Variants in RHOU observed in about 807,000 individuals in gnomAD.
RHOU encodes rho-related GTP-binding protein RhoU.
Under a neutral mutation model 12.6 loss-of-function variants are expected in RHOU, and 8 were observed. The observed-to-expected ratio is 0.64, with a 90% confidence interval of 0.37 to 1.15. The LOEUF is 1.15. RHOU is among the 50% of genes most tolerant of loss of function. RHOU has a pLI of 0.01. For missense variants in RHOU, 258 were observed against 347.0 expected, an observed-to-expected ratio of 0.74 and a Z score of 2.04; for synonymous variants, 161 against 147.4, an observed-to-expected ratio of 1.09 and a Z score of -0.67.
At chr1:228,650,580 C>G in the RHOU span, 41 of 455,324 alleles carry the variant, frequency 9.0e-5, no homozygotes, top group African/African-American at 7.0e-4. Flanking sequence ...TGCTCGCCTG[C>G]CTGCCCTCCT....
chr1:228,698,118 T>A, the RHOU span, among the ~76,000 whole-genome samples: 2 of 152,238 alleles, frequency 1.3e-5, no homozygotes, highest in African/African-American at 4.8e-5. Flanking sequence ...CATGCATTTC[T>A]TTGAGGTTTT....
chr1:228,726,069 C>T, the RHOU span, among the ~76,000 whole-genome samples: 2 of 152,162 alleles, frequency 1.3e-5, no homozygotes, highest in Non-Finnish European at 2.9e-5. Context: ...TGGGTTTCTT[C>T]TCTCTTTTTT....
At chr1:228,724,621 G>A in the RHOU span, among the ~76,000 whole-genome samples, 1 of 152,098 alleles carries the variant, frequency 6.6e-6, no homozygotes, top group Admixed American at 6.5e-5. Context: ...CCAGCGAGGT[G>A]AGAACATTTA....
the RHOU span, among the ~76,000 whole-genome samples, chr1:228,684,107 G>T: frequency 6.6e-6 from 1 of 151,880 alleles, no homozygotes; most frequent in Non-Finnish European, 1.5e-5. Context: ...GCATGATCTC[G>T]GCTCACTGCA....
the RHOU span, among the ~76,000 whole-genome samples, chr1:228,696,409 A>C: frequency 6.6e-6 from 1 of 151,784 alleles, no homozygotes; most frequent in East Asian, 1.9e-4. Flanking sequence ...ATGATGGTTG[A>C]GATAACTGAT....
chr1:228,659,060 G>T, the RHOU span, among the ~76,000 whole-genome samples: 1 of 151,546 alleles, frequency 6.6e-6, no homozygotes, highest in Non-Finnish European at 1.5e-5. Flanking sequence ...AATTTATAGT[G>T]TGAAATGCTT....
chr1:228,659,966 CAAAAA>C, the RHOU span, among the ~76,000 whole-genome samples: 364 of 76,728 alleles, frequency 4.7e-3, no homozygotes, highest in Middle Eastern at 0.018. Flanking sequence ...AAAAAAAAAA[CAAAAA>C]AAAAAAAAAA....
chr1:228,649,759 T>A, the RHOU span, among the ~76,000 whole-genome samples: 186 of 152,344 alleles, frequency 1.2e-3, no homozygotes, highest in African/African-American at 4.4e-3. Flanking sequence ...AAGAGACATA[T>A]TAAACTAAAT....
the RHOU span, among the ~76,000 whole-genome samples, chr1:228,696,949 C>A: frequency 1.3e-5 from 2 of 151,978 alleles, no homozygotes; most frequent in Non-Finnish European, 2.9e-5. Context: ...AAATAATAAA[C>A]CTTAAGACAT....
the RHOU span, among the ~76,000 whole-genome samples, chr1:228,725,406 A>T: frequency 4.0e-5 from 5 of 124,380 alleles, no homozygotes; most frequent in African/African-American, 1.8e-4. Flanking sequence ...TGGATGCTGC[A>T]ATCCTGGGGG....
the RHOU span, among the ~76,000 whole-genome samples, chr1:228,695,686 C>T: frequency 1.2e-4 from 19 of 152,162 alleles, no homozygotes; most frequent in Middle Eastern, 3.2e-3. Flanking sequence ...GCAGGTATGA[C>T]GGAAGGGGCA....
chr1:228,684,477 C>A, the RHOU span, among the ~76,000 whole-genome samples: 1 of 149,728 alleles, frequency 6.7e-6, no homozygotes, highest in East Asian at 2.0e-4. Context: ...TACAGGCGTG[C>A]ACCACCATGC....
the RHOU span, among the ~76,000 whole-genome samples, chr1:228,703,254 C>T: frequency 3.9e-5 from 6 of 152,112 alleles, no homozygotes; most frequent in South Asian, 2.1e-4. Flanking sequence ...GGGCCAGGCG[C>T]GGCGTCTCAC....
At chr1:228,733,526 C>T (rs866767672), upstream of RHOU, among the ~76,000 whole-genome samples, 3 of 152,188 alleles carry the variant, frequency 2.0e-5, no homozygotes, top group African/African-American at 4.8e-5. Flanking sequence ...AAGCTGGTCT[C>T]GAACTCGTGG....
rs1662831193 is a variant in RHOU, at chr1:228,746,194, C to A, written c.*2454C>A. On this transcript the variant is annotated 3_prime_UTR_variant, in exon 3 of 3. Coordinates refer to ENST00000366691, the MANE Select transcript of RHOU (RefSeq NM_021205.6). ...TTGAGATTTTCCTCCATTTTTATTT[C>A]TTCGTGAACATAGAGTTTGGGGCCG... 6.6e-6 allele frequency: 1 copy of A among 152,124 alleles called. No individual in the cohort carries two copies. Among genetic ancestry groups the A allele is most frequent in the South Asian group, 2.1e-4 (1 of 4,826 alleles). The allele number at this position is 152,124 out of a possible 1,614,324, so 9.4% of individuals were successfully genotyped here.
At chr1:228,711,113 A>T in the RHOU span, among the ~76,000 whole-genome samples, 1 of 151,938 alleles carries the variant, frequency 6.6e-6, no homozygotes, top group Non-Finnish European at 1.5e-5. Flanking sequence ...GATGTGAAGG[A>T]CCTCTTCAAG....
At chr1:228,663,144 A>G in the RHOU span, among the ~76,000 whole-genome samples, 1 of 152,246 alleles carries the variant, frequency 6.6e-6, no homozygotes, top group Non-Finnish European at 1.5e-5. Context: ...AGTTATGAAT[A>G]AAGTTTTATG....
At chr1:228,736,699 G>T (rs1662619797) in intron 1 of RHOU, among the ~76,000 whole-genome samples, 1 of 152,232 alleles carries the variant, frequency 6.6e-6, no homozygotes, top group Non-Finnish European at 1.5e-5. Flanking sequence ...CTATGTACCG[G>T]GTGCGATGCC....
At chr1:228,693,868 C>G in the RHOU span, among the ~76,000 whole-genome samples, 1 of 151,958 alleles carries the variant, frequency 6.6e-6, no homozygotes, top group Non-Finnish European at 1.5e-5. Flanking sequence ...TCTTTTTTAC[C>G]CAATAACAGG....
Sources: gnomAD v4.1 joint callset for allele counts (sites outside exome capture counted in the v4.1 genomes callset) on GRCh38, gnomAD v4.1.1 for gene constraint, MANE v1.5 for transcripts, NCBI Gene and HGNC (gene_info 2026-07-23, HGNC 2026-07-21) for gene names.